Variants in LMO7 observed in about 807,000 individuals in gnomAD.
LMO7 encodes LIM domain 7.
Under a neutral mutation model 206.5 loss-of-function variants are expected in LMO7, and 120 were observed. The ratio of observed to expected loss-of-function variants is 0.58; its 90% confidence interval spans 0.50 to 0.68. LMO7 has a LOEUF of 0.68. Ranked by LOEUF, LMO7 falls within the 30% of genes least tolerant of loss-of-function variation. LMO7 has a pLI of 0.00. For synonymous variants in LMO7, 706 were observed against 681.5 expected (o/e 1.04, Z -0.56); for missense variants, 1,959 against 1,957.9 (o/e 1.00, Z -0.01).
chr13:75,694,035 A>C (rs1461234545), intron 1 of LMO7, among the ~76,000 whole-genome samples: 1 of 152,210 alleles, frequency 6.6e-6, no homozygotes, highest in Non-Finnish European at 1.5e-5. Context: ...ACTATTTACG[A>C]ATACTTACTG....
intron 3 of LMO7, chr13:75,760,274 A>T (rs2048046306): frequency 3.7e-6 from 3 of 800,090 alleles, no homozygotes; most frequent in African/African-American, 3.7e-5. Flanking sequence ...AGGCTTTCAT[A>T]TTTTTGGAGG....
chr13:75,733,460 GT>G (rs887252289), intron 3 of LMO7, among the ~76,000 whole-genome samples: 2 of 152,202 alleles, frequency 1.3e-5, no homozygotes, highest in South Asian at 2.1e-4. Flanking sequence ...CTGGTGCGCC[GT>G]TTTTTAAGCC....
chr13:75,630,881 C>G (rs2034845124), intron 2 of LMO7, among the ~76,000 whole-genome samples: 2 of 152,156 alleles, frequency 1.3e-5, no homozygotes, highest in African/African-American at 2.4e-5. Context: ...GTTTCGAACT[C>G]CTGACCTCAG....
At chr13:75,784,640 T>A (rs1395915818) in intron 4 of LMO7, among the ~76,000 whole-genome samples, 3 of 152,134 alleles carry the variant, frequency 2.0e-5, no homozygotes, top group Non-Finnish European at 2.9e-5. Context: ...AAACAACAAT[T>A]TACATCAGCT....
At chr13:75,764,274 T>C (rs935023181) in intron 4 of LMO7, among the ~76,000 whole-genome samples, 3 of 152,148 alleles carry the variant, frequency 2.0e-5, no homozygotes, top group Non-Finnish European at 2.9e-5. Flanking sequence ...AATCAATCTT[T>C]TGTGTGGATG....
intron 4 of LMO7, among the ~76,000 whole-genome samples, chr13:75,787,453 A>G (rs1438799954): frequency 1.3e-5 from 2 of 152,158 alleles, no homozygotes; most frequent in Non-Finnish European, 2.9e-5. Flanking sequence ...AAACTATGCT[A>G]TTCTTAGTAG....
chr13:75,837,880 A>T (rs954508698), intron 19 of LMO7, among the ~76,000 whole-genome samples: 2 of 152,168 alleles, frequency 1.3e-5, no homozygotes, highest in Non-Finnish European at 2.9e-5. Flanking sequence ...TTGGCTTTTC[A>T]TAGCTGTGAA....
rs2054311139 is a variant in LMO7, at chr13:75,798,460, C to G, written c.462+1711C>G. Reference sequence around the variant, plus strand: ...ACAGTCTGACTCAGGTTGAATAATCCTAGTACAGTGTCTATGCCAGGAATG... The same window carrying G: ...ACAGTCTGACTCAGGTTGAATAATCGTAGTACAGTGTCTATGCCAGGAATG... On this transcript the variant is annotated intron_variant, in intron 6 of 30. Transcript: ENST00000377534. Among the ~76,000 whole-genome samples the G allele has an allele frequency of 2.6e-5, 4 of 152,202 alleles. No individual in the cohort carries two copies. The South Asian group carries it at 8.3e-4, about 32-fold the overall frequency.
At chr13:75,636,891 C>G (rs2035941279) in intron 1 of LMO7, among the ~76,000 whole-genome samples, 165 bp downstream of exon 1, 1 of 152,238 alleles carries the variant, frequency 6.6e-6, no homozygotes, top group Non-Finnish European at 1.5e-5. Context: ...TCTGCGGGTT[C>G]TGCCGCTCCT....
intron 2 of LMO7, among the ~76,000 whole-genome samples, chr13:75,714,937 T>C (rs1214198251): frequency 6.6e-6 from 1 of 151,734 alleles, no homozygotes; most frequent in Non-Finnish European, 1.5e-5. Context: ...TAAATAGGAA[T>C]TGGGTAGGTT....
exon 1 of LMO7, chr13:75,620,732 G>T (rs1362422000): frequency 6.6e-6 from 1 of 152,072 alleles, no homozygotes; most frequent in Non-Finnish European, 1.5e-5. Context: ...TTTTAAGAAA[G>T]AAAAATAATT....
At chr13:75,791,946 C>G (rs1055612393) in intron 4 of LMO7, among the ~76,000 whole-genome samples, 1 of 151,932 alleles carries the variant, frequency 6.6e-6, no homozygotes, top group African/African-American at 2.4e-5. Flanking sequence ...GTTCTTTGTT[C>G]TCTTCTCTCT....
At chr13:75,677,558 T>A (rs1221566384) in intron 1 of LMO7, among the ~76,000 whole-genome samples, 1 of 152,026 alleles carries the variant, frequency 6.6e-6, no homozygotes. Flanking sequence ...CAGCCAAATT[T>A]CCTAAATTGG....
chr13:75,747,783 C>A (rs1464049216), intron 3 of LMO7, among the ~76,000 whole-genome samples: 1 of 152,152 alleles, frequency 6.6e-6, no homozygotes, highest in Admixed American at 6.6e-5. Flanking sequence ...AATTAGGTTG[C>A]AGATGGGATT....
Position 75,817,151 on chromosome 13 carries a change from T to C in LMO7, c.1947-10T>C, listed in dbSNP as rs1342059842. 1 of 1,599,812 alleles carries C rather than the reference T, an allele frequency of 6.3e-7. No homozygotes were observed. Among genetic ancestry groups the C allele is most frequent in the Admixed American group, 1.7e-5 (1 of 59,760 alleles). On this transcript the variant is annotated splice_polypyrimidine_tract_variant and intron_variant, in intron 11 of 30. Transcript: ENST00000377534. Reference sequence around the variant, plus strand: ...AACTTCCGTAGTAACCATGAGTCTTTTTGTTGTAGGAGTAAGTCCATGAGT... The same window carrying C: ...AACTTCCGTAGTAACCATGAGTCTTCTTGTTGTAGGAGTAAGTCCATGAGT...
chr13:75,850,086 C>G (rs2060362933), intron 27 of LMO7, among the ~76,000 whole-genome samples: 1 of 152,070 alleles, frequency 6.6e-6, no homozygotes, highest in Non-Finnish European at 1.5e-5. Flanking sequence ...CCACTGCACT[C>G]CAGCCTGGAT....
At chr13:75,675,968 T>TG in intron 1 of LMO7, among the ~76,000 whole-genome samples, 1 of 152,200 alleles carries the variant, frequency 6.6e-6, no homozygotes, top group Non-Finnish European at 1.5e-5. Context: ...TTAAAATATG[T>TG]GGGGAAATTT....
chr13:75,716,044 T>A (rs1051118786), intron 2 of LMO7, among the ~76,000 whole-genome samples: 5 of 152,238 alleles, frequency 3.3e-5, no homozygotes, highest in Non-Finnish European at 7.3e-5. Context: ...TCTGGCTCAC[T>A]GCCAGAATCA....
In LMO7 at chr13:75,804,271, C is replaced by T; in HGVS notation, c.662-18C>T. ...AATAATCTGGAGAGTAAAGCAAATT[C>T]TTGTGCCTTCTTTATAGGTTTTGAA... On this transcript the variant is annotated intron_variant, in intron 7 of 30. Coordinates refer to ENST00000377534, the MANE Select transcript of LMO7 (RefSeq NM_001306080.2). The T allele has an allele frequency of 1.2e-6, 2 of 1,605,212 alleles. No individual in the cohort carries two copies. Among genetic ancestry groups the T allele is most frequent in the Non-Finnish European group, 1.7e-6 (2 of 1,174,214 alleles).
Sources: gnomAD v4.1 joint callset for allele counts (sites outside exome capture counted in the v4.1 genomes callset) on GRCh38, gnomAD v4.1.1 for gene constraint, MANE v1.5 for transcripts, NCBI Gene and HGNC (gene_info 2026-07-23, HGNC 2026-07-21) for gene names.